GALNTL6: variants seen among roughly 807,000 people sequenced by gnomAD.
GALNTL6 encodes polypeptide N-acetylgalactosaminyltransferase-like 6.
A neutral mutation model predicts 73.7 loss-of-function variants in GALNTL6; 46 were observed. The ratio of observed to expected loss-of-function variants is 0.62; its 90% CI spans 0.49 to 0.80. The LOEUF is 0.80. Ranked by LOEUF, GALNTL6 falls within the 30% of genes least tolerant of loss-of-function variation. The pLI, the probability that GALNTL6 is intolerant of heterozygous loss-of-function variation, is 0.00. For missense variants in GALNTL6, 604 were observed against 755.0 expected, an observed-to-expected ratio of 0.80 and a Z score of 2.34; for synonymous variants, 259 against 263.7, an observed-to-expected ratio of 0.98 and a Z score of 0.17.
At chr4:172,374,268 C>A (rs1316243206) in intron 5 of GALNTL6, among the ~76,000 whole-genome samples, 1 of 152,194 alleles carries the variant, frequency 6.6e-6, no homozygotes, top group African/African-American at 2.4e-5. Context: ...AAGGCTGCGG[C>A]CTTTCTCTGA....
At chr4:172,397,780 T>C (rs1743903079) in intron 5 of GALNTL6, among the ~76,000 whole-genome samples, 1 of 152,094 alleles carries the variant, frequency 6.6e-6, no homozygotes. Flanking sequence ...GGTTTCACCA[T>C]GTTGGCCAGG....
At chr4:171,904,338 A>G (rs1298537353) in intron 2 of GALNTL6, among the ~76,000 whole-genome samples, 1 of 151,918 alleles carries the variant, frequency 6.6e-6, no homozygotes, top group Admixed American at 6.5e-5. Flanking sequence ...CGAGAACTAC[A>G]TGAAGAATGC....
intron 7 of GALNTL6, 49 bp downstream of exon 7, chr4:172,813,772 A>C: frequency 2.1e-6 from 3 of 1,442,146 alleles, no homozygotes; most frequent in Non-Finnish European, 2.9e-6. Context: ...CAGGTAACTC[A>C]TTGCAGTGTT....
chr4:172,422,393 G>A (rs1731081525), intron 5 of GALNTL6, among the ~76,000 whole-genome samples: 1 of 151,974 alleles, frequency 6.6e-6, no homozygotes, highest in African/African-American at 2.4e-5. Flanking sequence ...ATAATAACAG[G>A]TTGACCTATT....
intron 5 of GALNTL6, chr4:172,380,158 G>A (rs1167701780): frequency 1.9e-6 from 2 of 1,045,094 alleles, no homozygotes; most frequent in Non-Finnish European, 3.0e-6. Context: ...CACTTAACAA[G>A]GCCTGGATCC....
intron 2 of GALNTL6, among the ~76,000 whole-genome samples, chr4:172,010,330 C>T (rs1740966154): frequency 1.4e-3 from 1 of 736 alleles, no homozygotes; most frequent in African/African-American, 1.6e-3. Context: ...TAACCCCAAA[C>T]ACTACTGGAC....
At chr4:172,095,390 T>TA (rs1732322701) in intron 2 of GALNTL6, among the ~76,000 whole-genome samples, 1 of 151,978 alleles carries the variant, frequency 6.6e-6, no homozygotes, top group African/African-American at 2.4e-5. Context: ...AGGGATGCAA[T>TA]AGACTGGGTC....
At chr4:171,907,417 C>A (rs999063090) in intron 2 of GALNTL6, among the ~76,000 whole-genome samples, 3 of 151,842 alleles carry the variant, frequency 2.0e-5, no homozygotes, top group South Asian at 4.1e-4. Context: ...GAATAAAATA[C>A]CTAGGAATCC....
intron 8 of GALNTL6, among the ~76,000 whole-genome samples, chr4:172,895,525 C>T (rs935695697): frequency 1.3e-5 from 2 of 151,720 alleles, no homozygotes; most frequent in African/African-American, 4.8e-5. Context: ...TGCTTATTTT[C>T]TCTCATTGCT....
intron 5 of GALNTL6, among the ~76,000 whole-genome samples, chr4:172,537,438 G>A (rs778198839): frequency 6.6e-6 from 1 of 152,176 alleles, no homozygotes; most frequent in African/African-American, 2.4e-5. Flanking sequence ...AAGCTTTGGT[G>A]TGCACTTCTC....
At chr4:172,842,594 C>T (rs765674732) in intron 7 of GALNTL6, among the ~76,000 whole-genome samples, 7 of 151,932 alleles carry the variant, frequency 4.6e-5, no homozygotes, top group Non-Finnish European at 8.8e-5. Context: ...GATGTTATAT[C>T]TGTGCTTTGA....
chr4:172,979,279 G>A (rs1034965857), intron 10 of GALNTL6, among the ~76,000 whole-genome samples: 3 of 152,180 alleles, frequency 2.0e-5, no homozygotes, highest in African/African-American at 7.2e-5. Context: ...ATATCTAAAA[G>A]AGAAATACAT....
chr4:172,400,965 A>G (rs1383736966), intron 5 of GALNTL6, among the ~76,000 whole-genome samples: 1 of 152,208 alleles, frequency 6.6e-6, no homozygotes, highest in Non-Finnish European at 1.5e-5. Flanking sequence ...TTTCACTACA[A>G]ATGATAAATG....
intron 5 of GALNTL6, among the ~76,000 whole-genome samples, chr4:172,551,260 A>C (rs962858259): frequency 6.6e-6 from 1 of 152,158 alleles, no homozygotes; most frequent in Admixed American, 6.5e-5. Flanking sequence ...AATTATAAAT[A>C]CTCACTTTAT....
At chr4:172,586,291 G>C (rs912001813) in intron 5 of GALNTL6, among the ~76,000 whole-genome samples, 2 of 152,092 alleles carry the variant, frequency 1.3e-5, no homozygotes, top group Non-Finnish European at 2.9e-5. Context: ...ATATGTCACA[G>C]GATATTTTTC....
intron 7 of GALNTL6, among the ~76,000 whole-genome samples, chr4:172,841,053 T>G (rs1743179618): frequency 2.0e-5 from 3 of 152,182 alleles, no homozygotes; most frequent in Admixed American, 2.0e-4. Flanking sequence ...TAGGTCTTCA[T>G]TCCTAGGATA....
intron 12 of GALNTL6, among the ~76,000 whole-genome samples, chr4:173,037,127 C>T (rs1753728612): frequency 6.6e-6 from 1 of 152,198 alleles, no homozygotes. Flanking sequence ...AGCTTCACCT[C>T]CGGGACTTGC....
At chr4:172,279,445 A>G (rs1738951036) in intron 3 of GALNTL6, among the ~76,000 whole-genome samples, 1 of 152,206 alleles carries the variant, frequency 6.6e-6, no homozygotes, top group Admixed American at 6.6e-5. Context: ...CAAAATATCA[A>G]TAAGCATACA....
intron 3 of GALNTL6, among the ~76,000 whole-genome samples, chr4:172,259,424 G>A (rs1465055796): frequency 6.8e-6 from 1 of 147,654 alleles, no homozygotes; most frequent in Non-Finnish European, 1.5e-5. Flanking sequence ...TTCTATTCAT[G>A]TCTTTTACCC....
Sources: gnomAD v4.1 joint callset for allele counts (sites outside exome capture counted in the v4.1 genomes callset) on GRCh38, gnomAD v4.1.1 for gene constraint, MANE v1.5 for transcripts, NCBI Gene and HGNC (gene_info 2026-07-23, HGNC 2026-07-21) for gene names.